Variants in AGMO observed in about 807,000 individuals in gnomAD.
The protein encoded by AGMO is glyceryl-ether monooxygenase.
A neutral mutation model predicts 60.2 loss-of-function variants in AGMO; 75 were observed. The ratio of observed to expected loss-of-function variants is 1.25; its 90% CI spans 1.03 to 1.51. The LOEUF (loss-of-function observed/expected upper bound fraction) is 1.51. AGMO is among the 40% of genes most tolerant of loss of function. The pLI, the probability that AGMO is intolerant of heterozygous loss-of-function variation, is 0.00. For missense variants in AGMO, 763 were observed against 525.5 expected, an observed-to-expected ratio of 1.45 and a Z score of -4.42; for synonymous variants, 261 against 177.1, an observed-to-expected ratio of 1.47 and a Z score of -3.76.
intron 12 of AGMO, among the ~76,000 whole-genome samples, chr7:15,292,751 C>CTTTTTTTTTTTTTTTTTT (rs765222435): frequency 2.1e-5 from 2 of 95,128 alleles, no homozygotes; most frequent in African/African-American, 4.6e-5. Context: ...TTTTTTTTTC[C>CTTTTTTTTTTTTTTTTTT]TTTTTTTTTT....
At chr7:15,288,433 A>G (rs1784162624) in intron 12 of AGMO, among the ~76,000 whole-genome samples, 1 of 152,124 alleles carries the variant, frequency 6.6e-6, no homozygotes, top group Non-Finnish European at 1.5e-5. Flanking sequence ...TTTCTTCCTG[A>G]TAACTTATGA....
chr7:15,365,542 A>G lies in AGMO; in HGVS notation c.1235T>C (p.Leu412Pro). The change falls in exon 12 of 13, where the codon CTT becomes CCT. Residue 412 changes from leucine (L) to proline (P), a missense_variant. Leu to Pro is a moderately conservative substitution (Grantham distance 98). Transcript: ENST00000342526. ...AAAAGCAGATGACAATGAAGGGACA[A>G]GAGGCTTCAGGTGACCAAATCGGTA... ...MLYRFGHLKP[L>P]VPSLSSAFEI... 1.2e-6 allele frequency: 2 copies of G among 1,612,870 alleles called. No homozygotes were observed. Among genetic ancestry groups the G allele is most frequent in the Non-Finnish European group, 1.7e-6 (2 of 1,179,084 alleles).
At chr7:15,547,916 G>C (rs1224260898) in intron 2 of AGMO, among the ~76,000 whole-genome samples, 1 of 152,178 alleles carries the variant, frequency 6.6e-6, no homozygotes, top group Admixed American at 6.5e-5. Flanking sequence ...AAATGTCCCT[G>C]TCTGATAGCT....
intron 6 of AGMO, among the ~76,000 whole-genome samples, chr7:15,392,962 T>G (rs1464550579): frequency 6.6e-6 from 1 of 152,240 alleles, no homozygotes; most frequent in Non-Finnish European, 1.5e-5. Context: ...TCCTAAGTGT[T>G]GAATATCTCA....
rs113415878 is a variant in AGMO, at chr7:15,320,089, A to T, written c.1263+45425T>A. 8.4e-3 allele frequency among the ~76,000 whole-genome samples: 1,218 copies of T among 144,376 alleles called. 10 individuals are homozygous for T. Among genetic ancestry groups the T allele is most frequent in the African/African-American group, 0.031 (1,150 of 37,638 alleles). The allele number at this position is 144,376 out of a possible 152,430, so 94.7% of individuals were successfully genotyped here. A position where few individuals can be genotyped will look rare whatever the true frequency, so the allele number is the denominator to read the frequency against. On this transcript the variant is annotated intron_variant, in intron 12 of 12. Transcript: ENST00000342526. ...GAGAACACTTGGACACAGGAAGGGG[A>T]ACATCACACACTTGGGCCTGTTGTG...
At chr7:15,368,716 T>C (rs563990250) in intron 10 of AGMO, among the ~76,000 whole-genome samples, 131 of 152,236 alleles carry the variant, frequency 8.6e-4, no homozygotes, top group African/African-American at 3.0e-3. Context: ...GATGAGCAAC[T>C]GAGAAGCATA....
intron 12 of AGMO, among the ~76,000 whole-genome samples, chr7:15,327,688 G>C (rs900203414): frequency 2.0e-5 from 3 of 151,240 alleles, no homozygotes; most frequent in East Asian, 1.9e-4. Context: ...ATTAAGCCCT[G>C]AGGGGGAGAG....
chr7:15,515,783 G>T (rs1268952555), intron 3 of AGMO, among the ~76,000 whole-genome samples: 3 of 152,168 alleles, frequency 2.0e-5, no homozygotes, highest in Non-Finnish European at 4.4e-5. Flanking sequence ...AAGCAATGAA[G>T]TCATTTTGTT....
chr7:15,385,313 T>TGTGAGAC, intron 10 of AGMO, 133 bp downstream of exon 10: 1 of 590,010 alleles, frequency 1.7e-6, no homozygotes, highest in Non-Finnish European at 2.9e-6. Context: ...CCTATTTAAA[T>TGTGAGAC]GTGAGACGTT....
intron 3 of AGMO, among the ~76,000 whole-genome samples, chr7:15,466,310 T>C (rs1782286612): frequency 6.6e-6 from 1 of 152,188 alleles, no homozygotes; most frequent in Admixed American, 6.6e-5. Context: ...AGGATTCAAT[T>C]CTGGGTAATC....
chr7:15,154,876 G>T, the AGMO span, among the ~76,000 whole-genome samples: 1 of 152,124 alleles, frequency 6.6e-6, no homozygotes, highest in Admixed American at 6.5e-5. Flanking sequence ...GGCCAGATAT[G>T]AAATTCTTGG....
chr7:15,528,183 G>T, intron 3 of AGMO, among the ~76,000 whole-genome samples: 1 of 152,074 alleles, frequency 6.6e-6, no homozygotes, highest in East Asian at 1.9e-4. Flanking sequence ...AGGCCCTGAT[G>T]ATCATTAGCA....
intron 12 of AGMO, among the ~76,000 whole-genome samples, chr7:15,260,356 G>A (rs897609077): frequency 6.6e-6 from 1 of 152,056 alleles, no homozygotes; most frequent in Non-Finnish European, 1.5e-5. Flanking sequence ...CAAGAGAGCA[G>A]GAGTAGCTAT....
At chr7:15,183,261 A>G in the AGMO span, among the ~76,000 whole-genome samples, 1 of 152,062 alleles carries the variant, frequency 6.6e-6, no homozygotes, top group Non-Finnish European at 1.5e-5. Context: ...TCTCATTTCC[A>G]AAGCCCACAA....
chr7:15,556,655 T>G (rs553561680), intron 2 of AGMO, among the ~76,000 whole-genome samples: 3 of 152,212 alleles, frequency 2.0e-5, no homozygotes, highest in South Asian at 4.1e-4. Flanking sequence ...AATGTGATTA[T>G]TTTTCACTCA....
At chr7:15,262,825 G>C (rs1783313320) in intron 12 of AGMO, among the ~76,000 whole-genome samples, 1 of 151,880 alleles carries the variant, frequency 6.6e-6, no homozygotes, top group Admixed American at 6.6e-5. Flanking sequence ...AAAACATAAA[G>C]TGGAAAAGGT....
chr7:15,303,950 G>A (rs1780530263), intron 12 of AGMO, among the ~76,000 whole-genome samples: 1 of 152,036 alleles, frequency 6.6e-6, no homozygotes, highest in Non-Finnish European at 1.5e-5. Flanking sequence ...AAGAGAATAG[G>A]TCTGTGGGTA....
At chr7:15,346,631 A>G (rs1378632103) in intron 12 of AGMO, among the ~76,000 whole-genome samples, 1 of 149,306 alleles carries the variant, frequency 6.7e-6, no homozygotes, top group East Asian at 2.0e-4. Flanking sequence ...AAAAAAAAAT[A>G]CCATAAAGAA....
chr7:15,191,450 T>C, the AGMO span, among the ~76,000 whole-genome samples: 6 of 152,156 alleles, frequency 3.9e-5, no homozygotes, highest in Non-Finnish European at 7.3e-5. Flanking sequence ...GAGTAACAGG[T>C]GTTTTGATGC....
Sources: allele counts gnomAD v4.1 joint callset (sites outside exome capture counted in the v4.1 genomes callset), GRCh38; gene constraint gnomAD v4.1.1; transcripts MANE v1.5; gene names NCBI Gene and HGNC (gene_info 2026-07-23, HGNC 2026-07-21).